Variants in SCFD2 observed in about 807,000 individuals in gnomAD.
SCFD2 encodes sec1 family domain containing 2, also known as sec1 family domain-containing protein 2.
In SCFD2, 54 loss-of-function variants were observed where a neutral mutation model predicts 58.9. The observed-to-expected ratio is 0.92, with a 90% CI of 0.74 to 1.15. SCFD2 has a LOEUF of 1.15. Ranked by LOEUF, SCFD2 falls within the 50% of genes most tolerant of loss-of-function variation. The probability of loss-of-function intolerance (pLI) is 0.00; values close to 1 mark genes in which losing one functional copy is unlikely to be tolerated. For missense variants in SCFD2, 805 were observed against 836.6 expected, an observed-to-expected ratio of 0.96 and a Z score of 0.47; for synonymous variants, 321 against 335.9, an observed-to-expected ratio of 0.96 and a Z score of 0.49.
chr4:53,349,052 T>C (rs1157024428), intron 2 of SCFD2, among the ~76,000 whole-genome samples: 1 of 152,112 alleles, frequency 6.6e-6, no homozygotes, highest in African/African-American at 2.4e-5. Flanking sequence ...CACTCACTCA[T>C]AGTCTAATGA....
intron 1 of SCFD2, among the ~76,000 whole-genome samples, chr4:53,362,385 C>G (rs1734571150): frequency 1.3e-5 from 2 of 152,180 alleles, no homozygotes; most frequent in East Asian, 3.8e-4. Context: ...CACTTGAATA[C>G]TGAGCAAGTA....
At chr4:53,037,328 T>C (rs1405954130) in intron 5 of SCFD2, among the ~76,000 whole-genome samples, 1 of 152,180 alleles carries the variant, frequency 6.6e-6, no homozygotes, top group Non-Finnish European at 1.5e-5. Flanking sequence ...GGAAAAATTA[T>C]GGAGAAATAT....
rs1310325389 is a variant in SCFD2 at position 53,246,334 on chromosome 4, G to A, written c.1311+27492C>T. Among the ~76,000 whole-genome samples, 17 of 152,218 alleles carry A rather than the reference G, an allele frequency of 1.1e-4. No homozygotes were observed. In the South Asian group the frequency reaches 3.3e-3, roughly 30 times the overall value. ...AACAATGACATTCTTTCCAAAACTA[G>A]AAAACACTATTTTAAAATTCATATG... On this transcript the variant is annotated intron_variant, in intron 4 of 8. Transcript: ENST00000401642.
At chr4:53,059,533 G>A (rs1386377713) in intron 5 of SCFD2, among the ~76,000 whole-genome samples, 3 of 152,054 alleles carry the variant, frequency 2.0e-5, no homozygotes, top group African/African-American at 7.2e-5. Context: ...ATTTAAACAC[G>A]AATGTAAAAG....
At chr4:53,011,203 A>C (rs1722085634) in intron 5 of SCFD2, among the ~76,000 whole-genome samples, 1 of 152,220 alleles carries the variant, frequency 6.6e-6, no homozygotes, top group Non-Finnish European at 1.5e-5. Flanking sequence ...TCATAATAAA[A>C]CCTTCATCCT....
intron 4 of SCFD2, among the ~76,000 whole-genome samples, chr4:53,215,617 C>T (rs1464750275): frequency 6.6e-6 from 1 of 152,082 alleles, no homozygotes. Context: ...TTCCTCTTTT[C>T]CTAACTGAAT....
chr4:53,057,841 C>G (rs1215120820), intron 5 of SCFD2, among the ~76,000 whole-genome samples: 1 of 152,096 alleles, frequency 6.6e-6, no homozygotes, highest in African/African-American at 2.4e-5. Flanking sequence ...ATACCTTGTG[C>G]TGTGTTAGCA....
intron 5 of SCFD2, among the ~76,000 whole-genome samples, chr4:53,019,019 C>A (rs1722282122): frequency 6.6e-6 from 1 of 152,168 alleles, no homozygotes; most frequent in Admixed American, 6.6e-5. Flanking sequence ...TGGGTCCTCT[C>A]ATACCCAGAT....
chr4:52,943,524 C>T (rs564125965), intron 5 of SCFD2, among the ~76,000 whole-genome samples: 2 of 152,236 alleles, frequency 1.3e-5, no homozygotes, highest in African/African-American at 4.8e-5. Flanking sequence ...CAAGCACTCA[C>T]CATGCAGTGA....
chr4:53,323,501 C>T (rs537568678), intron 2 of SCFD2, among the ~76,000 whole-genome samples: 1 of 149,234 alleles, frequency 6.7e-6, no homozygotes, highest in Non-Finnish European at 1.5e-5. Context: ...GTAGCCAGGA[C>T]TACAGGTGCA....
At chr4:53,338,569 A>ATTTTTTTTTTTTTTTTT (rs1454636023) in intron 2 of SCFD2, among the ~76,000 whole-genome samples, 40 of 58,344 alleles carry the variant, frequency 6.9e-4, no homozygotes, top group Non-Finnish European at 1.3e-3. Flanking sequence ...AAAGCAGTAT[A>ATTTTTTTTTTTTTTTTT]TTTTTCTTTT....
intron 5 of SCFD2, among the ~76,000 whole-genome samples, chr4:52,941,143 C>T (rs1720282747): frequency 6.6e-6 from 1 of 152,028 alleles, no homozygotes; most frequent in African/African-American, 2.4e-5. Flanking sequence ...CAACACAGTT[C>T]CAGAAAGATC....
At chr4:52,941,393 T>A (rs897122529) in intron 5 of SCFD2, among the ~76,000 whole-genome samples, 2 of 152,216 alleles carry the variant, frequency 1.3e-5, no homozygotes, top group Non-Finnish European at 2.9e-5. Context: ...TTTTCTGACA[T>A]TTATTTCTGC....
At chr4:53,032,460 A>T (rs1722638123) in intron 5 of SCFD2, among the ~76,000 whole-genome samples, 2 of 152,182 alleles carry the variant, frequency 1.3e-5, no homozygotes, top group Non-Finnish European at 2.9e-5. Flanking sequence ...AAAGGTAAAT[A>T]GGCTAAATGC....
In SCFD2 at chr4:53,365,063, G is replaced by A; in HGVS notation, c.838+41C>T. 6.3e-7 allele frequency: 1 copy of A among 1,576,332 alleles called. No homozygotes were observed. Among genetic ancestry groups the A allele is most frequent in the East Asian group, 2.2e-5 (1 of 44,562 alleles). ...CTGAATCAATGAAAGTCCCAGCAAT[G>A]TGGGGAATGGTAATGAAGAACTCCA... On this transcript the variant is annotated intron_variant, in intron 1 of 8. Transcript: ENST00000401642. The surrounding 1 kb of genome is among the most constrained non-coding windows in gnomAD (Gnocchi z 4.3).
chr4:53,246,537 A>C (rs927360158), intron 4 of SCFD2, among the ~76,000 whole-genome samples: 1 of 152,214 alleles, frequency 6.6e-6, no homozygotes, highest in African/African-American at 2.4e-5. Context: ...CCCAGAAATA[A>C]GGCTGCACGC....
chr4:53,014,234 T>A (rs1577660265), intron 5 of SCFD2, among the ~76,000 whole-genome samples: 1 of 152,114 alleles, frequency 6.6e-6, no homozygotes. Context: ...GGAGTGGCAG[T>A]GATTGTTCCA....
At chr4:52,913,821 C>G (rs1719542437) in intron 6 of SCFD2, among the ~76,000 whole-genome samples, 1 of 152,182 alleles carries the variant, frequency 6.6e-6, no homozygotes, top group Non-Finnish European at 1.5e-5. Flanking sequence ...TTTCCAGAGA[C>G]TTTATGGGTC....
intron 2 of SCFD2, among the ~76,000 whole-genome samples, chr4:53,323,037 A>G (rs1462301205): frequency 6.6e-6 from 1 of 152,250 alleles, no homozygotes; most frequent in African/African-American, 2.4e-5. Context: ...TCTTATATGC[A>G]ATGATTATAC....
Sources: gnomAD v4.1 joint callset for allele counts (sites outside exome capture counted in the v4.1 genomes callset) on GRCh38, gnomAD v4.1.1 for gene constraint, Gnocchi (gnomAD v3.1) non-coding constraint, MANE v1.5 for transcripts, NCBI Gene and HGNC (gene_info 2026-07-23, HGNC 2026-07-21) for gene names.